The following MAF variants were observed in gnomAD, a reference collection of about 807,000 sequenced individuals.
MAF encodes MAF bZIP transcription factor.
MAF carries 10 observed loss-of-function variants against 22.0 expected under a neutral mutation model. The ratio of observed to expected loss-of-function variants is 0.45; its 90% CI spans 0.28 to 0.77. MAF has a LOEUF of 0.77. Among genes scored for constraint, MAF ranks in the 30% least tolerant of loss-of-function variants. The pLI is 0.12. For missense variants in MAF, 544 were observed against 548.4 expected, an observed-to-expected ratio of 0.99 and a Z score of 0.08; for synonymous variants, 337 against 255.8, an observed-to-expected ratio of 1.32 and a Z score of -3.03.
chr16:79,548,883 G>A, the MAF span, among the ~76,000 whole-genome samples: 1 of 152,056 alleles, frequency 6.6e-6, no homozygotes, highest in African/African-American at 2.4e-5. Context: ...TGCTCCTTAA[G>A]CCTCTACACA....
chr16:79,280,755 A>C, the MAF span, among the ~76,000 whole-genome samples: 2 of 152,130 alleles, frequency 1.3e-5, no homozygotes, highest in African/African-American at 2.4e-5. Context: ...ACTAGCTCCT[A>C]TCCTGGCTTC....
the MAF span, among the ~76,000 whole-genome samples, chr16:79,408,259 T>C: frequency 6.6e-6 from 1 of 151,984 alleles, no homozygotes; most frequent in African/African-American, 2.4e-5. Context: ...TTGCTGCAAC[T>C]GCCACCTCCC....
chr16:79,333,360 C>T, the MAF span, among the ~76,000 whole-genome samples: 4 of 152,066 alleles, frequency 2.6e-5, no homozygotes, highest in East Asian at 7.7e-4. Flanking sequence ...CAGAAGTAGT[C>T]AGGAGATTAT....
At chr16:79,296,703 G>A in the MAF span, among the ~76,000 whole-genome samples, 1 of 151,834 alleles carries the variant, frequency 6.6e-6, no homozygotes, top group South Asian at 2.1e-4. Context: ...ACCTGCCCCA[G>A]GGTTAAGGGA....
At chr16:79,264,760 C>G in the MAF span, among the ~76,000 whole-genome samples, 2 of 152,320 alleles carry the variant, frequency 1.3e-5, no homozygotes, top group South Asian at 2.1e-4. Flanking sequence ...AGGAAACTTA[C>G]TCAGCAGCCC....
chr16:79,422,438 G>A, the MAF span, among the ~76,000 whole-genome samples: 1 of 152,126 alleles, frequency 6.6e-6, no homozygotes, highest in Non-Finnish European at 1.5e-5. Context: ...CCAGAGTCTT[G>A]GGTTAAAATG....
At chr16:79,311,684 T>C in the MAF span, among the ~76,000 whole-genome samples, 1 of 152,114 alleles carries the variant, frequency 6.6e-6, no homozygotes, top group Non-Finnish European at 1.5e-5. Context: ...GCCGTTTCAC[T>C]CCACAGACTC....
At chr16:79,293,764 A>T in the MAF span, among the ~76,000 whole-genome samples, 1 of 152,002 alleles carries the variant, frequency 6.6e-6, no homozygotes, top group African/African-American at 2.4e-5. Flanking sequence ...AGAGCATCCC[A>T]TTGTTGGATG....
chr16:79,500,418 G>T, the MAF span, among the ~76,000 whole-genome samples: 6 of 152,108 alleles, frequency 3.9e-5, no homozygotes, highest in African/African-American at 1.2e-4. Context: ...TAGTAACCTA[G>T]ACAAAAGTCT....
chr16:79,583,629 G>A (rs1912661531), downstream of MAF, among the ~76,000 whole-genome samples: 1 of 152,212 alleles, frequency 6.6e-6, no homozygotes, highest in Non-Finnish European at 1.5e-5. Flanking sequence ...GTCTTTCAGC[G>A]CATAACATGC....
the MAF span, chr16:79,205,129 G>C: frequency 6.6e-6 from 1 of 152,208 alleles, no homozygotes; most frequent in Non-Finnish European, 1.5e-5. Context: ...CTGTGAGCAC[G>C]TGCCTGTCAT....
chr16:79,396,920 C>T, the MAF span, among the ~76,000 whole-genome samples: 1 of 152,258 alleles, frequency 6.6e-6, no homozygotes. Flanking sequence ...ATGGCCCTAG[C>T]TCTGCAGTGG....
At chr16:79,583,423 CA>C (rs1912648506), downstream of MAF, among the ~76,000 whole-genome samples, 1 of 152,130 alleles carries the variant, frequency 6.6e-6, no homozygotes, top group South Asian at 2.1e-4. Flanking sequence ...CCAGTTCCAT[CA>C]GTTTCTCCCT....
chr16:79,531,396 G>A, the MAF span, among the ~76,000 whole-genome samples: 2 of 152,038 alleles, frequency 1.3e-5, no homozygotes, highest in Admixed American at 1.3e-4. Context: ...GACTGGGAGT[G>A]GGGTGGGGAT....
the MAF span, among the ~76,000 whole-genome samples, chr16:79,536,759 C>A: frequency 6.6e-6 from 1 of 152,170 alleles, no homozygotes; most frequent in Non-Finnish European, 1.5e-5. Flanking sequence ...CAGAGTAACA[C>A]CCGTTTACAT....
the MAF span, among the ~76,000 whole-genome samples, chr16:79,561,605 G>C: frequency 6.6e-6 from 1 of 151,946 alleles, no homozygotes; most frequent in African/African-American, 2.4e-5. Flanking sequence ...CTGAGAATGA[G>C]GGTTTCCAGC....
At chr16:79,402,945 C>G in the MAF span, among the ~76,000 whole-genome samples, 52 of 151,696 alleles carry the variant, frequency 3.4e-4, no homozygotes, top group African/African-American at 1.2e-3. Context: ...GTTGTGGAGC[C>G]TTGGGAGTCC....
At chr16:79,245,846 G>A in the MAF span, among the ~76,000 whole-genome samples, 14 of 151,994 alleles carry the variant, frequency 9.2e-5, no homozygotes, top group Non-Finnish European at 1.0e-4. Flanking sequence ...AGAAAATGTG[G>A]CACATACACA....
the MAF span, among the ~76,000 whole-genome samples, chr16:79,407,848 G>C: frequency 1.3e-5 from 2 of 152,170 alleles, no homozygotes; most frequent in Non-Finnish European, 2.9e-5. Flanking sequence ...CTCAATTCCT[G>C]TGCTGGTTGA....
Sources: gnomAD v4.1 joint callset for allele counts (sites outside exome capture counted in the v4.1 genomes callset) on GRCh38, gnomAD v4.1.1 for gene constraint, MANE v1.5 for transcripts, NCBI Gene and HGNC (gene_info 2026-07-23, HGNC 2026-07-21) for gene names.